The following ARHGAP11A variants were observed in gnomAD, a reference collection of about 807,000 sequenced individuals.
ARHGAP11A encodes rho GTPase-activating protein 11A.
In ARHGAP11A, 36 loss-of-function variants were observed where a neutral mutation model predicts 60.5. The observed-to-expected ratio is 0.59, with a 90% CI of 0.46 to 0.79. ARHGAP11A has a LOEUF of 0.79. ARHGAP11A is among the 30% of genes least tolerant of loss of function. The pLI, the probability that ARHGAP11A is intolerant of heterozygous loss-of-function variation, is 0.00. For synonymous variants in ARHGAP11A, 362 were observed against 415.5 expected (o/e 0.87, Z 1.57); for missense variants, 1,071 against 1,199.2 (o/e 0.89, Z 1.58).
At position 32,636,842 on chromosome 15, in the gene ARHGAP11A, GT is replaced by G; in HGVS notation, c.2071del (p.Tyr691IlefsTer5). The stretch of plus-strand genomic sequence containing the variant: ...TTTAATAGAGAAACAACTATAAAAT[GT>G]TATTCAACTCAGATGAAGATGGAAC... ...QTFNRETTIK[C>X]YSTQMKMEHE... On this transcript the variant is annotated frameshift_variant, in exon 12 of 12. Transcript: ENST00000361627. LOFTEE classifies it low-confidence loss of function (END_TRUNC). The G allele has an allele frequency of 6.2e-7, 1 of 1,608,466 alleles. No individual in the cohort carries two copies. Among genetic ancestry groups the G allele is most frequent in the Non-Finnish European group, 8.5e-7 (1 of 1,178,762 alleles).
At chr15:32,626,329 G>T (rs1310802219) in intron 6 of ARHGAP11A, among the ~76,000 whole-genome samples, 1 of 152,078 alleles carries the variant, frequency 6.6e-6, no homozygotes, top group East Asian at 1.9e-4. Flanking sequence ...AATAATGAAG[G>T]AAATATTATC....
chr15:32,631,000 TCTC>T (rs1027273874), intron 8 of ARHGAP11A, among the ~76,000 whole-genome samples: 5 of 152,262 alleles, frequency 3.3e-5, no homozygotes, highest in East Asian at 1.9e-4. Flanking sequence ...GATTCCTTCT[TCTC>T]CTCCTCCAAG....
At chr15:32,618,773 C>G (rs1265399562) in intron 1 of ARHGAP11A, among the ~76,000 whole-genome samples, 3 of 140,884 alleles carry the variant, frequency 2.1e-5, no homozygotes, top group Non-Finnish European at 4.7e-5. Context: ...CCCCCCCCCG[C>G]CCCACGTCTC....
chr15:32,621,831 A>G (rs2053322963), intron 2 of ARHGAP11A, among the ~76,000 whole-genome samples: 2 of 151,868 alleles, frequency 1.3e-5, no homozygotes, highest in South Asian at 2.1e-4. Flanking sequence ...CAAAAAAAAA[A>G]AAAAAAAAGA....
Position 32,635,235 on chromosome 15 carries a change from A to G in ARHGAP11A, c.1345-542A>G, listed in dbSNP as rs112223271. 6.2e-3 allele frequency among the ~76,000 whole-genome samples: 943 copies of G among 152,142 alleles called. 10 individuals carry two copies. Among genetic ancestry groups the G allele is most frequent in the African/African-American group, 0.021 (869 of 41,500 alleles). On this transcript the variant is annotated intron_variant, in intron 10 of 11. Coordinates refer to ENST00000361627, the MANE Select transcript of ARHGAP11A (RefSeq NM_014783.6). ...TAGTGTTCTTCCCCCTTAAATCTTC[A>G]TGGCTCTCACCTTTGTTTTGTTTTA...
At chr15:32,636,094 G>A (rs547196800) in intron 11 of ARHGAP11A, 163 bp from the exon 12 acceptor site, 1 of 1,386,388 alleles carries the variant, frequency 7.2e-7, no homozygotes, top group South Asian at 1.8e-5. Flanking sequence ...GCTTATACAT[G>A]TAAATATGAA....
intron 1 of ARHGAP11A, among the ~76,000 whole-genome samples, chr15:32,618,992 C>G (rs1035660420): frequency 1.3e-5 from 2 of 152,140 alleles, no homozygotes; most frequent in African/African-American, 2.4e-5. Context: ...GGAGCCTACT[C>G]TCTTAAGCAC....
rs2053374349 is a variant in ARHGAP11A at position 32,622,985 on chromosome 15, A to G, written c.201-507A>G. 2.6e-5 allele frequency among the ~76,000 whole-genome samples: 4 copies of G among 151,606 alleles called. No individual in the cohort carries two copies. The South Asian group carries it at 8.3e-4, about 32-fold the overall frequency. ...CAGGCAGGGAGATAGCAGGAAAACTAAAAGAGTAGTGAAAAAGTATTTTTG... is the reference window on the plus strand; with the variant it reads ...CAGGCAGGGAGATAGCAGGAAAACTGAAAGAGTAGTGAAAAAGTATTTTTG... On this transcript the variant is annotated intron_variant, in intron 2 of 11. Coordinates refer to ENST00000361627, the MANE Select transcript of ARHGAP11A (RefSeq NM_014783.6).
chr15:32,636,634 G>C lies in ARHGAP11A; in HGVS notation c.1861G>C (p.Val621Leu). 6.2e-7 allele frequency: 1 copy of C among 1,613,978 alleles called. No homozygotes were observed. Among genetic ancestry groups the C allele is most frequent in the Non-Finnish European group, 8.5e-7 (1 of 1,179,956 alleles). The change falls in exon 12 of 12, where the codon GTA (valine) becomes CTA (leucine). Residue 621 changes from valine to leucine, a missense_variant. Val to Leu is a conservative substitution (Grantham distance 32). Transcript: ENST00000361627. ...HALMNQRQSSVTNVGKVKLTE... is the reference protein window; with the variant it reads ...HALMNQRQSSLTNVGKVKLTE... Reference sequence around the variant, plus strand: ...ATTGATGAATCAGAGGCAGTCATCAGTAACTAATGTGGGGAAAGTAAAATT... The same window carrying C: ...ATTGATGAATCAGAGGCAGTCATCACTAACTAATGTGGGGAAAGTAAAATT...
In ARHGAP11A at chr15:32,627,496, A is replaced by G. The variant is rs533593338; in HGVS notation, c.863-1232A>G. 1.5e-3 allele frequency among the ~76,000 whole-genome samples: 231 copies of G among 152,106 alleles called. 5 individuals are homozygous for G. The highest frequency in any genetic ancestry group is 5.1e-3 in the African/African-American group (210 of 41,400). ...TGTAATTCCAGCACTTTGGGAGGCCAAGGTGGGCGGATCATGAGGTCAGGA... is the reference window on the plus strand; with the variant it reads ...TGTAATTCCAGCACTTTGGGAGGCCGAGGTGGGCGGATCATGAGGTCAGGA... On this transcript the variant is annotated intron_variant, in intron 6 of 11. Transcript: ENST00000361627.
Position 32,624,283 on chromosome 15 carries a change from T to C in ARHGAP11A, c.408T>C (p.Asp136=), listed in dbSNP as rs1158611437. The C allele has an allele frequency of 6.2e-7, 1 of 1,613,696 alleles. No homozygotes were observed. Among genetic ancestry groups the C allele is most frequent in the East Asian group, 2.2e-5 (1 of 44,854 alleles). The change falls in exon 4 of 12, where the codon GAT becomes GAC. Residue 136 remains aspartate, a synonymous_variant. Coordinates refer to ENST00000361627, the MANE Select transcript of ARHGAP11A (RefSeq NM_014783.6). ...TGCCAGAGCCCATTCTCCCAGCTGATTTGCATGAAGCACTTTTGAAAGCTC... is the reference window on the plus strand; with the variant it reads ...TGCCAGAGCCCATTCTCCCAGCTGACTTGCATGAAGCACTTTTGAAAGCTC... The part of the protein sequence containing the change: ...RELPEPILPA[D]LHEALLKAQQ...
intron 8 of ARHGAP11A, 113 bp downstream of exon 8, chr15:32,629,875 T>G (rs938215314): frequency 4.2e-6 from 3 of 719,728 alleles, no homozygotes; most frequent in Admixed American, 3.3e-5. Context: ...AACTTTATTC[T>G]GTTTTATCCA....
chr15:32,631,298 CT>C (rs36081568), intron 8 of ARHGAP11A, among the ~76,000 whole-genome samples: 103,847 of 143,380 alleles, frequency 0.72, 37,311 homozygotes, highest in Admixed American at 0.76. Flanking sequence ...ATAATTGTCT[CT>C]TTTTTTTTTT....
At chr15:32,617,767 C>G (rs1023339597) in intron 1 of ARHGAP11A, among the ~76,000 whole-genome samples, 2 of 152,108 alleles carry the variant, frequency 1.3e-5, no homozygotes, top group African/African-American at 4.8e-5. Flanking sequence ...CCACTGCACT[C>G]GGCCTTTTCA....
At chr15:32,620,056 A>G in intron 1 of ARHGAP11A, 52 bp from the exon 2 acceptor site, 1 of 1,544,518 alleles carries the variant, frequency 6.5e-7, no homozygotes, top group South Asian at 1.2e-5. Context: ...GTTTAAGAAA[A>G]CTGATATTAT....
chr15:32,624,104 C>T (rs1300695213), intron 3 of ARHGAP11A, 69 bp from the exon 4 acceptor site: 3 of 1,604,722 alleles, frequency 1.9e-6, no homozygotes, highest in East Asian at 4.5e-5. Flanking sequence ...TAGAGTATAA[C>T]AAAAGATACT....
Position 32,636,607 on chromosome 15 carries a change from G to T in ARHGAP11A, c.1834G>T (p.Ala612Ser). 2 of 1,614,040 alleles carry T rather than the reference G, an allele frequency of 1.2e-6. No individual in the cohort carries two copies. The highest frequency in any genetic ancestry group is 1.1e-5 in the South Asian group (1 of 91,050). Residue 612 changes from alanine (A) to serine (S), a missense_variant, in exon 12 of 12, where the codon GCA becomes TCA. Physicochemically the swap from Ala to Ser is moderately conservative, Grantham distance 99 (BLOSUM62 1). Coordinates refer to ENST00000361627, the MANE Select transcript of ARHGAP11A (RefSeq NM_014783.6). ...TTCTGAATCTGGAAGTAATCTTCAC[G>T]CATTGATGAATCAGAGGCAGTCATC... ...AFSESGSNLHALMNQRQSSVT... is the reference protein window; with the variant it reads ...AFSESGSNLHSLMNQRQSSVT...
At chr15:32,629,978 T>C (rs1482049935) in intron 8 of ARHGAP11A, among the ~76,000 whole-genome samples, 2 of 88,748 alleles carry the variant, frequency 2.3e-5, no homozygotes, top group African/African-American at 5.2e-5. Context: ...GTGTGTGTTA[T>C]GACAACATCT....
intron 8 of ARHGAP11A, among the ~76,000 whole-genome samples, chr15:32,632,531 A>T (rs1279355125): frequency 6.6e-6 from 1 of 152,178 alleles, no homozygotes; most frequent in African/African-American, 2.4e-5. Context: ...TTTTTATAAT[A>T]CCATTAATTG....
Sources: allele counts gnomAD v4.1 joint callset (sites outside exome capture counted in the v4.1 genomes callset), GRCh38; gene constraint gnomAD v4.1.1; transcripts MANE v1.5; gene names NCBI Gene and HGNC (gene_info 2026-07-23, HGNC 2026-07-21).